Variants in P2RX7 observed in about 807,000 individuals in gnomAD.
The protein encoded by P2RX7 is purinergic receptor P2X 7.
In P2RX7, 62 loss-of-function variants were observed where a neutral mutation model predicts 71.6. That is an observed-to-expected ratio of 0.87 (90% confidence interval 0.71 to 1.07). The LOEUF (loss-of-function observed/expected upper bound fraction) is 1.07. Among genes scored for constraint, P2RX7 ranks in the 50% least tolerant of loss-of-function variants. The probability of loss-of-function intolerance (pLI) is 0.00; values close to 1 mark genes in which losing one functional copy is unlikely to be tolerated. For missense variants in P2RX7, 686 were observed against 748.5 expected (o/e 0.92, Z 0.97); for synonymous variants, 299 against 283.3 (o/e 1.06, Z -0.56).
intron 9 of P2RX7, among the ~76,000 whole-genome samples, chr12:121,175,892 T>C (rs1653601): frequency 0.39 from 59,003 of 151,794 alleles, 11,922 homozygotes; most frequent in African/African-American, 0.45. Flanking sequence ...GATCCAGGTG[T>C]TCAAACAACA....
intron 5 of P2RX7, among the ~76,000 whole-genome samples, chr12:121,163,354 A>G (rs55998081): frequency 0.014 from 1,413 of 101,628 alleles, 15 homozygotes; most frequent in Non-Finnish European, 0.015. Flanking sequence ...ACACACACAC[A>G]CACGCACACA....
rs747163777 is a variant in P2RX7 at position 121,177,428 on chromosome 12, C to T, written c.1170C>T (p.Ser390=). ...NEYYYRKKCE[S]IVEPKPTLKY... Reference sequence around the variant, plus strand: ...ACTACTACAGGAAGAAGTGCGAGTCCATTGTGGAGCCAAAGCCGGTGAGGC... The same window carrying T: ...ACTACTACAGGAAGAAGTGCGAGTCTATTGTGGAGCCAAAGCCGGTGAGGC... Residue 390 remains serine (S), a synonymous_variant, in exon 11 of 13, where the codon TCC becomes TCT. Coordinates refer to ENST00000328963, the MANE Select transcript of P2RX7 (RefSeq NM_002562.6). The T allele has an allele frequency of 1.9e-6, 3 of 1,613,242 alleles. No individual in the cohort carries two copies. The highest frequency in any genetic ancestry group is 1.3e-5 in the African/African-American group (1 of 74,898).
chr12:121,136,829 G>A (rs1873817216), intron 1 of P2RX7, among the ~76,000 whole-genome samples: 1 of 151,308 alleles, frequency 6.6e-6, no homozygotes, highest in African/African-American at 2.4e-5. Context: ...TGTATTTTTG[G>A]TAGAGACAGG....
rs200501625 is a variant in P2RX7 at position 121,162,528 on chromosome 12, G to A, written c.533+8G>A. ...AGTGGAAGAGGCCCCCCGGTGAGTC[G>A]CATGGGGAGACAGACACAGTGGCCC... On this transcript the variant is annotated splice_region_variant and intron_variant, in intron 5 of 12. Coordinates refer to ENST00000328963, the MANE Select transcript of P2RX7 (RefSeq NM_002562.6). 27 of 1,611,348 alleles carry A rather than the reference G, an allele frequency of 1.7e-5. No homozygotes were observed. The highest frequency in any genetic ancestry group is 2.7e-5 in the African/African-American group (2 of 75,016).
intron 8 of P2RX7, among the ~76,000 whole-genome samples, chr12:121,168,688 CAT>C (rs1309779212): frequency 6.6e-6 from 1 of 152,144 alleles, no homozygotes; most frequent in African/African-American, 2.4e-5. Flanking sequence ...GCTGATAGTA[CAT>C]GTTGCATAAT....
chr12:121,137,685 G>A (rs796868739), intron 1 of P2RX7, among the ~76,000 whole-genome samples: 3 of 152,296 alleles, frequency 2.0e-5, no homozygotes, highest in East Asian at 1.9e-4. Flanking sequence ...CCTTAAGTTC[G>A]TGTAACCATG....
chr12:121,164,518 C>G (rs373374762), intron 5 of P2RX7, among the ~76,000 whole-genome samples: 1 of 152,166 alleles, frequency 6.6e-6, no homozygotes, highest in South Asian at 2.1e-4. Flanking sequence ...CGGTGGCTCA[C>G]GCCTGTAATC....
chr12:121,147,383 G>A (rs1350677913), intron 1 of P2RX7, among the ~76,000 whole-genome samples: 1 of 152,098 alleles, frequency 6.6e-6, no homozygotes, highest in African/African-American at 2.4e-5. Context: ...ATATATGTTA[G>A]CAAAATGGAC....
At chr12:121,177,687 CATTTATTTATTTATTTATTT>C (rs140201550) in intron 11 of P2RX7, among the ~76,000 whole-genome samples, 94 of 142,432 alleles carry the variant, frequency 6.6e-4, no homozygotes, top group African/African-American at 2.0e-3. Context: ...CCAATTTTGT[CATTTATTTATTTATTTATTT>C]ATTTATTTAT....
In P2RX7 at chr12:121,177,403, A is replaced by T. The variant is rs754406571; in HGVS notation, c.1145A>T (p.Tyr382Phe). 3.1e-6 allele frequency: 5 copies of T among 1,613,736 alleles called. No homozygotes were observed. The highest frequency in any genetic ancestry group is 4.2e-6 in the Non-Finnish European group (5 of 1,180,040). Residue 382 changes from tyrosine (Y) to phenylalanine (F), a missense_variant, in exon 11 of 13, where the codon TAC becomes TTC. By Grantham distance (22) the Tyr-to-Phe change is conservative (BLOSUM62 3). Coordinates refer to ENST00000328963, the MANE Select transcript of P2RX7 (RefSeq NM_002562.6). ...KCCQPCVVNE[Y>F]YYRKKCESIV... ...TGTCAGCCCTGTGTGGTCAACGAATACTACTACAGGAAGAAGTGCGAGTCC... is the reference window on the plus strand; with the variant it reads ...TGTCAGCCCTGTGTGGTCAACGAATTCTACTACAGGAAGAAGTGCGAGTCC...
At chr12:121,182,096 T>C (rs1330006506) in intron 12 of P2RX7, among the ~76,000 whole-genome samples, 1 of 152,056 alleles carries the variant, frequency 6.6e-6, no homozygotes, top group East Asian at 1.9e-4. Context: ...TCTGCTCCTT[T>C]TGAAATATCA....
intron 11 of P2RX7, among the ~76,000 whole-genome samples, chr12:121,178,284 C>G (rs1312988235): frequency 1.3e-5 from 2 of 152,036 alleles, no homozygotes; most frequent in African/African-American, 4.8e-5. Context: ...AACCAAATAT[C>G]CAACAGGTGA....
Position 121,180,409 on chromosome 12 carries a change from A to G in P2RX7, c.1244A>G (p.Gln415Arg), listed in dbSNP as rs748211705. Residue 415 changes from glutamine (Q) to arginine (R), a missense_variant, in exon 12 of 13, where the codon CAG becomes CGG. By Grantham distance (43) the Gln-to-Arg change is conservative. Coordinates refer to ENST00000328963, the MANE Select transcript of P2RX7 (RefSeq NM_002562.6). ...TCCCACATTAGGATGGTGAACCAGCAGCTACTAGGGAGAAGTCTGCAAGAT... is the reference window on the plus strand; with the variant it reads ...TCCCACATTAGGATGGTGAACCAGCGGCTACTAGGGAGAAGTCTGCAAGAT... ...DESHIRMVNQQLLGRSLQDVK... is the reference protein window; with the variant it reads ...DESHIRMVNQRLLGRSLQDVK... 6.2e-7 allele frequency: 1 copy of G among 1,607,826 alleles called. No individual in the cohort carries two copies. Among genetic ancestry groups the G allele is most frequent in the Non-Finnish European group, 8.5e-7 (1 of 1,176,670 alleles).
intron 12 of P2RX7, 21 bp downstream of exon 12, chr12:121,180,476 T>G: frequency 4.5e-6 from 1 of 220,096 alleles, no homozygotes; most frequent in Non-Finnish European, 7.3e-6. Flanking sequence ...TCATTTTGTC[T>G]TTTTTTTTTT....
At position 121,133,018 on chromosome 12, in the gene P2RX7, C is replaced by G. The variant is rs765609834; in HGVS notation, c.48C>G (p.Asn16Lys). 4 of 1,613,954 alleles carry G rather than the reference C, an allele frequency of 2.5e-6. No individual in the cohort carries two copies. The highest frequency in any genetic ancestry group is 3.4e-6 in the Non-Finnish European group (4 of 1,179,990). The part of the protein sequence containing the change: ...SCSDVFQYET[N>K]KVTRIQSMNY... ...GTGATGTTTTCCAGTATGAGACGAA[C>G]AAAGTCACTCGGATCCAGAGCATGA... The change falls in exon 1 of 13, where the codon AAC becomes AAG. Residue 16 changes from asparagine (N) to lysine (K), a missense_variant. Transcript: ENST00000328963.
rs1876879089 is a variant in P2RX7, at chr12:121,149,170, G to A, written c.126-5615G>A. 4.8e-6 allele frequency: 2 copies of A among 419,252 alleles called. No homozygotes were observed. Among genetic ancestry groups the A allele is most frequent in the African/African-American group, 2.1e-5 (1 of 48,140 alleles). The allele number at this position is 419,252 out of a possible 1,614,324, so 26.0% of individuals were successfully genotyped here. A position where few individuals can be genotyped will look rare whatever the true frequency, so the allele number is the denominator to read the frequency against. ...CATGTGGATTGAGACTCTGAAGAAC[G>A]ACTTTATGGTGGGCACCTTCATCTC... is the stretch of plus-strand genomic sequence containing the variant. On this transcript the variant is annotated intron_variant, in intron 1 of 12. Transcript: ENST00000328963. This position sits in a 1 kb window ranked among gnomAD's most constrained non-coding sequence, Gnocchi z 4.7.
chr12:121,168,098 A>G (rs928281478), intron 8 of P2RX7, among the ~76,000 whole-genome samples: 1 of 152,064 alleles, frequency 6.6e-6, no homozygotes, highest in African/African-American at 2.4e-5. Flanking sequence ...CAATTATTTC[A>G]TACAGCTCCT....
intron 8 of P2RX7, among the ~76,000 whole-genome samples, chr12:121,171,051 G>A (rs775647901): frequency 2.8e-4 from 42 of 152,238 alleles, no homozygotes; most frequent in Middle Eastern, 3.4e-3. Flanking sequence ...CAGAATGCAC[G>A]ACGCGCTTCT....
intron 12 of P2RX7, among the ~76,000 whole-genome samples, chr12:121,183,050 G>A (rs564263691): frequency 8.8e-4 from 133 of 151,794 alleles, no homozygotes; most frequent in African/African-American, 2.9e-3. Flanking sequence ...GGTGGCAGGC[G>A]CCTGTAGTCC....
Sources: allele counts gnomAD v4.1 joint callset (sites outside exome capture counted in the v4.1 genomes callset), GRCh38; gene constraint gnomAD v4.1.1; non-coding constraint Gnocchi (gnomAD v3.1); transcripts MANE v1.5; gene names NCBI Gene and HGNC (gene_info 2026-07-23, HGNC 2026-07-21).